CCDC149: variants seen among roughly 807,000 people sequenced by gnomAD.
CCDC149 encodes the protein coiled-coil domain-containing protein 149.
In CCDC149, 45 loss-of-function variants were observed where a neutral mutation model predicts 59.9. That is an observed-to-expected ratio of 0.75 (90% CI 0.59 to 0.96). CCDC149 has a LOEUF of 0.96. Ranked by LOEUF, CCDC149 falls within the 40% of genes least tolerant of loss-of-function variation. The pLI is 0.00. For missense variants in CCDC149, 584 were observed against 664.7 expected (o/e 0.88, Z 1.33); for synonymous variants, 245 against 260.6 (o/e 0.94, Z 0.58).
intron 4 of CCDC149, among the ~76,000 whole-genome samples, chr4:24,847,838 T>C (rs894680449): frequency 2.0e-5 from 3 of 152,204 alleles, no homozygotes; most frequent in Non-Finnish European, 2.9e-5. Flanking sequence ...AGAGTCCAAA[T>C]ATTTCCAAGT....
At chr4:24,944,151 A>C (rs1474596480) in intron 1 of CCDC149, among the ~76,000 whole-genome samples, 1 of 152,262 alleles carries the variant, frequency 6.6e-6, no homozygotes, top group Non-Finnish European at 1.5e-5. Context: ...GAACCAACCC[A>C]AATGTCCAAC....
intron 1 of CCDC149, among the ~76,000 whole-genome samples, chr4:24,927,582 C>T (rs929022494): frequency 1.3e-5 from 2 of 152,194 alleles, no homozygotes; most frequent in African/African-American, 2.4e-5. Flanking sequence ...GGTGCTGAAA[C>T]CTTCTCCTAG....
At chr4:24,891,154 T>C (rs1281597307) in intron 1 of CCDC149, among the ~76,000 whole-genome samples, 1 of 152,260 alleles carries the variant, frequency 6.6e-6, no homozygotes, top group Admixed American at 6.5e-5. Context: ...TACTGATTAG[T>C]GAGAAACTAT....
rs750323717 is a variant in CCDC149 at position 24,838,152 on chromosome 4, G to T, written c.489+4C>A. 2 of 1,607,860 alleles carry T rather than the reference G, an allele frequency of 1.2e-6. No homozygotes were observed. Among genetic ancestry groups the T allele is most frequent in the Admixed American group, 3.3e-5 (2 of 60,024 alleles). On this transcript the variant is annotated splice_donor_region_variant and intron_variant, in intron 5 of 12. Coordinates refer to ENST00000635206, the MANE Select transcript of CCDC149 (RefSeq NM_001330643.2). ...CCCCACTCTGAATAGATGTTAGTGA[G>T]AACCTGTTCCTTAGCTCGCTCTAGC...
rs1328807034 is a variant in CCDC149 at position 24,834,933 on chromosome 4, A to G, written c.820+15T>C. 1 of 1,598,874 alleles carries G rather than the reference A, an allele frequency of 6.3e-7. No homozygotes were observed. The highest frequency in any genetic ancestry group is 1.3e-5 in the African/African-American group (1 of 74,590). ...TACGCTCATGAGCGGTCTCTCCTGG[A>G]GCATGATATCCTACCTTGCTTTGCA... On this transcript the variant is annotated intron_variant, in intron 8 of 12. Coordinates refer to ENST00000635206, the MANE Select transcript of CCDC149 (RefSeq NM_001330643.2).
At chr4:24,901,856 C>T (rs137989400) in intron 1 of CCDC149, among the ~76,000 whole-genome samples, 22 of 152,308 alleles carry the variant, frequency 1.4e-4, no homozygotes, top group African/African-American at 4.6e-4. Context: ...TCCTGCTAGC[C>T]GTAACTTGCT....
intron 4 of CCDC149, among the ~76,000 whole-genome samples, chr4:24,843,410 C>A (rs1276603747): frequency 2.6e-5 from 4 of 152,118 alleles, no homozygotes; most frequent in Non-Finnish European, 5.9e-5. Flanking sequence ...AAAAACAAGA[C>A]CCTGCCTATT....
Position 24,912,799 on chromosome 4 carries a change from C to G in CCDC149, c.63+18G>C. 1 of 1,314,980 alleles carries G rather than the reference C, an allele frequency of 7.6e-7. No homozygotes were observed. The allele number at this position is 1,314,980 out of a possible 1,614,324, so 81.5% of individuals were successfully genotyped here. A position where few individuals can be genotyped will look rare whatever the true frequency, so the allele number is the denominator to read the frequency against. On this transcript the variant is annotated intron_variant, in intron 1 of 12. Transcript: ENST00000635206. The stretch of plus-strand genomic sequence containing the variant: ...GCTCGGCCCGGCCCATCCCGCCTGG[C>G]CGGCGCCGCGGCCTCACCTCGCTCA...
At chr4:24,944,645 G>A (rs1473113575) in intron 1 of CCDC149, among the ~76,000 whole-genome samples, 1 of 152,104 alleles carries the variant, frequency 6.6e-6, no homozygotes, top group Non-Finnish European at 1.5e-5. Context: ...CCTAATGCAT[G>A]CAGAGCTAAA....
In CCDC149 at chr4:24,808,313, G is replaced by A. The variant is rs1162927189; in HGVS notation, c.*76C>T. 3.8e-6 allele frequency: 5 copies of A among 1,324,960 alleles called. No homozygotes were observed. The highest frequency in any genetic ancestry group is 4.0e-6 in the Non-Finnish European group (4 of 1,008,112). 82.1% of individuals were successfully genotyped at this position (1,324,960 alleles called of 1,614,324 possible). On this transcript the variant is annotated 3_prime_UTR_variant, in exon 13 of 13. Transcript: ENST00000635206. ...GGTATTTCAGGAGAAGGCGACGTGA[G>A]CGCACCATTCCGATGCTTCATTCTT...
chr4:24,970,898 G>A (rs771907584), intron 1 of CCDC149, among the ~76,000 whole-genome samples: 6 of 152,156 alleles, frequency 3.9e-5, no homozygotes, highest in Non-Finnish European at 8.8e-5. Context: ...AACTGTAGAA[G>A]CACAAGTTAC....
chr4:24,815,464 G>C (rs192435747), intron 12 of CCDC149, among the ~76,000 whole-genome samples: 3 of 152,148 alleles, frequency 2.0e-5, no homozygotes, highest in Non-Finnish European at 4.4e-5. Context: ...AGTAAATTAC[G>C]GTACTTTCAG....
intron 8 of CCDC149, among the ~76,000 whole-genome samples, chr4:24,832,091 G>C (rs945241719): frequency 1.3e-5 from 2 of 152,226 alleles, no homozygotes; most frequent in Non-Finnish European, 2.9e-5. Context: ...CTTTACGTCA[G>C]TTTCCCACTG....
At chr4:24,822,680 T>A in intron 9 of CCDC149, 107 bp from the exon 10 acceptor site, 1 of 686,870 alleles carries the variant, frequency 1.5e-6, no homozygotes, top group Non-Finnish European at 2.4e-6. Flanking sequence ...ATTTATGATA[T>A]ATGCAAAAAA....
intron 1 of CCDC149, among the ~76,000 whole-genome samples, chr4:24,951,652 A>T (rs554986453): frequency 5.0e-4 from 76 of 152,224 alleles, no homozygotes; most frequent in Non-Finnish European, 3.2e-4. Context: ...CCCATCCCAA[A>T]TGCACCTGTG....
At chr4:24,874,925 C>T (rs1719314272) in intron 2 of CCDC149, among the ~76,000 whole-genome samples, 1 of 152,068 alleles carries the variant, frequency 6.6e-6, no homozygotes, top group Non-Finnish European at 1.5e-5. Flanking sequence ...ATATAAAAAC[C>T]TAGAGAAAAT....
intron 3 of CCDC149, among the ~76,000 whole-genome samples, chr4:24,861,921 T>C (rs1216649195): frequency 6.6e-6 from 1 of 152,166 alleles, no homozygotes; most frequent in Non-Finnish European, 1.5e-5. Flanking sequence ...TGAAGGCAAC[T>C]GAGAATCAAC....
At chr4:24,954,478 C>A (rs1360467248) in intron 1 of CCDC149, among the ~76,000 whole-genome samples, 1 of 152,214 alleles carries the variant, frequency 6.6e-6, no homozygotes, top group Non-Finnish European at 1.5e-5. Context: ...GTGGAGGTAG[C>A]CATAACTCCA....
At position 24,896,925 on chromosome 4, in the gene CCDC149, C is replaced by T. The variant is rs544857761; in HGVS notation, c.63+15892G>A. On this transcript the variant is annotated intron_variant, in intron 1 of 12. Transcript: ENST00000635206. The stretch of plus-strand genomic sequence containing the variant: ...TTCAATTTAAGTATTAACTGAGAAA[C>T]CATGAGGTTTGTCATCTCTTTTAGA... 3.9e-5 allele frequency among the ~76,000 whole-genome samples: 6 copies of T among 152,180 alleles called. No individual in the cohort carries two copies. The South Asian group carries it at 1.2e-3, about 32-fold the overall frequency.
Sources: gnomAD v4.1 joint callset for allele counts (sites outside exome capture counted in the v4.1 genomes callset) on GRCh38, gnomAD v4.1.1 for gene constraint, MANE v1.5 for transcripts, NCBI Gene and HGNC (gene_info 2026-07-23, HGNC 2026-07-21) for gene names.